Variants in LSAMP observed in about 807,000 individuals in gnomAD.
The protein encoded by LSAMP is limbic system associated membrane protein.
Under a neutral mutation model 38.6 loss-of-function variants are expected in LSAMP, and 7 were observed. The ratio of observed to expected loss-of-function variants is 0.18; its 90% CI spans 0.10 to 0.34. The LOEUF (loss-of-function observed/expected upper bound fraction) is 0.34, where lower values mean the gene tolerates loss of function less well. LSAMP is among the 10% of genes least tolerant of loss of function. The probability of loss-of-function intolerance (pLI) is 1.00; values close to 1 mark genes in which losing one functional copy is unlikely to be tolerated. For missense variants in LSAMP, 313 were observed against 420.0 expected (o/e 0.75, Z 2.23); for synonymous variants, 154 against 166.8 (o/e 0.92, Z 0.59).
At chr3:116,304,754 C>T (rs1414382570) in intron 1 of LSAMP, among the ~76,000 whole-genome samples, 1 of 152,068 alleles carries the variant, frequency 6.6e-6, no homozygotes, top group Non-Finnish European at 1.5e-5. Flanking sequence ...TGCTGATGTG[C>T]ACTTAAACTA....
chr3:115,966,141 A>T (rs1423539339), intron 3 of LSAMP, among the ~76,000 whole-genome samples: 1 of 152,246 alleles, frequency 6.6e-6, no homozygotes, highest in Non-Finnish European at 1.5e-5. Flanking sequence ...TACATCTTTA[A>T]GGAAGGGACT....
At chr3:115,951,908 G>A (rs184872830) in intron 3 of LSAMP, among the ~76,000 whole-genome samples, 28 of 152,036 alleles carry the variant, frequency 1.8e-4, no homozygotes, top group Non-Finnish European at 1.0e-4. Context: ...GTGGGCAAAG[G>A]ACATGAATAG....
intron 3 of LSAMP, among the ~76,000 whole-genome samples, chr3:115,982,551 C>T (rs114787673): frequency 0.018 from 2,713 of 152,310 alleles, 53 homozygotes; most frequent in African/African-American, 0.049. Context: ...AAGAGGTCCT[C>T]AGTGTCTCAA....
chr3:116,387,280 T>C (rs1200435237), intron 1 of LSAMP, among the ~76,000 whole-genome samples: 1 of 152,078 alleles, frequency 6.6e-6, no homozygotes, highest in East Asian at 1.9e-4. Flanking sequence ...AATAAAGGTA[T>C]ATGGACAGAA....
chr3:115,953,612 T>G (rs58988518), intron 3 of LSAMP, among the ~76,000 whole-genome samples: 2,927 of 152,274 alleles, frequency 0.019, 91 homozygotes, highest in African/African-American at 0.066. Flanking sequence ...TTGCTGCCAT[T>G]AACGTGATCT....
At chr3:116,405,811 C>G (rs1208814724) in intron 1 of LSAMP, among the ~76,000 whole-genome samples, 2 of 151,992 alleles carry the variant, frequency 1.3e-5, no homozygotes, top group Non-Finnish European at 2.9e-5. Context: ...TAGTTAATAA[C>G]AGAGAAGTAG....
chr3:116,402,788 T>C (rs1177377298), intron 1 of LSAMP, among the ~76,000 whole-genome samples: 1 of 151,528 alleles, frequency 6.6e-6, no homozygotes, highest in Non-Finnish European at 1.5e-5. Flanking sequence ...CCCCATGTAA[T>C]ACAAAATACT....
At chr3:116,306,517 CACTTGT>C (rs2047487125) in intron 1 of LSAMP, among the ~76,000 whole-genome samples, 1 of 152,056 alleles carries the variant, frequency 6.6e-6, no homozygotes, top group East Asian at 1.9e-4. Flanking sequence ...AGGATTCTTA[CACTTGT>C]ACTTAGAGGG....
At chr3:116,203,162 A>G (rs2046011162) in intron 1 of LSAMP, among the ~76,000 whole-genome samples, 2 of 152,148 alleles carry the variant, frequency 1.3e-5, no homozygotes, top group African/African-American at 2.4e-5. Flanking sequence ...AGCTTTCAGC[A>G]GCATGTTGTC....
intron 1 of LSAMP, among the ~76,000 whole-genome samples, chr3:116,391,705 A>T (rs9860105): frequency 6.6e-6 from 1 of 151,622 alleles, no homozygotes; most frequent in Non-Finnish European, 1.5e-5. Context: ...TGGCAGCAGC[A>T]GACCGTCTGG....
rs1156702073 is a variant in LSAMP at position 115,861,126 on chromosome 3, TTTCTTTCCTTCCTTCCTTCCTTCCTTCC to T, written c.515-8537_515-8510del. On this transcript the variant is annotated intron_variant, in intron 3 of 6. Transcript: ENST00000490035. ...CTTTCCTCCCCTCCCTCCTTCCTTC[TTTCTTTCCTTCCTTCCTTCCTTCCTTCC>T]TTCCTTCCTTCCTTCCTTCCTTCCT... is the stretch of plus-strand genomic sequence containing the variant. 5.6e-3 allele frequency among the ~76,000 whole-genome samples: 478 copies of T among 84,674 alleles called. 15 individuals carry two copies. Among genetic ancestry groups the T allele is most frequent in the South Asian group, 0.015 (31 of 2,082 alleles). 55.5% of individuals were successfully genotyped at this position (84,674 alleles called of 152,430 possible).
intron 1 of LSAMP, among the ~76,000 whole-genome samples, chr3:116,412,725 C>T (rs781735292): frequency 6.6e-6 from 1 of 151,948 alleles, no homozygotes; most frequent in Non-Finnish European, 1.5e-5. Context: ...TATTTAACAT[C>T]GTTATGGTTT....
chr3:115,858,046 G>A (rs372814721), intron 3 of LSAMP, among the ~76,000 whole-genome samples: 3 of 152,180 alleles, frequency 2.0e-5, no homozygotes, highest in South Asian at 4.1e-4. Context: ...TTGTAAAAAG[G>A]AGCCATTTGA....
At chr3:116,135,792 G>A (rs540058861) in intron 1 of LSAMP, among the ~76,000 whole-genome samples, 25 of 152,254 alleles carry the variant, frequency 1.6e-4, no homozygotes, top group African/African-American at 4.8e-4. Context: ...TTTCGATTAC[G>A]AAGTTTCAAA....
intron 1 of LSAMP, among the ~76,000 whole-genome samples, chr3:116,096,080 G>A (rs1214576012): frequency 6.6e-6 from 1 of 151,984 alleles, no homozygotes; most frequent in Non-Finnish European, 1.5e-5. Flanking sequence ...ACCTTGTTTG[G>A]CACTCGTAAT....
intron 1 of LSAMP, among the ~76,000 whole-genome samples, chr3:116,101,337 T>G (rs1708342631): frequency 6.6e-6 from 1 of 152,202 alleles, no homozygotes; most frequent in African/African-American, 2.4e-5. Flanking sequence ...CTCCTCTAGG[T>G]CTAGAAAAAT....
chr3:116,248,249 G>A (rs1337898556), intron 1 of LSAMP, among the ~76,000 whole-genome samples: 1 of 152,170 alleles, frequency 6.6e-6, no homozygotes, highest in South Asian at 2.1e-4. Context: ...AAAGGAAATA[G>A]AATCTTACCT....
At chr3:115,825,036 TTAATC>T (rs1438566185) in intron 6 of LSAMP, among the ~76,000 whole-genome samples, 1 of 152,188 alleles carries the variant, frequency 6.6e-6, no homozygotes, top group Non-Finnish European at 1.5e-5. Context: ...AAGACCATCT[TTAATC>T]TACGTAATAT....
intron 6 of LSAMP, 111 bp from the exon 7 acceptor site, chr3:115,810,525 C>T: frequency 1.4e-6 from 1 of 728,338 alleles, no homozygotes; most frequent in South Asian, 1.6e-5. Context: ...GTACTAGCAT[C>T]TCAAAGTTAC....
Sources: gnomAD v4.1 joint callset for allele counts (sites outside exome capture counted in the v4.1 genomes callset) on GRCh38, gnomAD v4.1.1 for gene constraint, MANE v1.5 for transcripts, NCBI Gene and HGNC (gene_info 2026-07-23, HGNC 2026-07-21) for gene names.